SYBU: variants seen among roughly 807,000 people sequenced by gnomAD.
SYBU encodes the protein syntabulin.
Under a neutral mutation model 35.9 loss-of-function variants are expected in SYBU, and 21 were observed. The observed-to-expected ratio is 0.58, with a 90% confidence interval of 0.41 to 0.84. The LOEUF is 0.84. SYBU is among the 40% of genes least tolerant of loss of function. The probability of loss-of-function intolerance (pLI) is 0.00; values close to 1 mark genes in which losing one functional copy is unlikely to be tolerated. For synonymous variants in SYBU, 319 were observed against 324.3 expected (o/e 0.98, Z 0.18); for missense variants, 768 against 848.2 (o/e 0.91, Z 1.17).
At chr8:109,650,202 G>GA (rs1417132951) in intron 1 of SYBU, among the ~76,000 whole-genome samples, 5 of 151,860 alleles carry the variant, frequency 3.3e-5, no homozygotes, top group African/African-American at 7.3e-5. Context: ...TCTAGGCTTA[G>GA]AAAAAAAATT....
chr8:109,640,494 A>T (rs1259881624), intron 2 of SYBU, among the ~76,000 whole-genome samples: 3 of 152,180 alleles, frequency 2.0e-5, no homozygotes, highest in African/African-American at 7.2e-5. Context: ...AAGCTCTGTC[A>T]GTTTGAAATG....
chr8:109,588,754 G>A (rs1309635785), intron 3 of SYBU, among the ~76,000 whole-genome samples: 1 of 149,348 alleles, frequency 6.7e-6, no homozygotes, highest in Admixed American at 6.7e-5. Context: ...AAAGATACAA[G>A]GAAGGAGAGG....
intron 3 of SYBU, among the ~76,000 whole-genome samples, chr8:109,607,551 T>G (rs1230793380): frequency 1.3e-5 from 2 of 152,146 alleles, no homozygotes; most frequent in Admixed American, 1.3e-4. Flanking sequence ...AAGGCCAGGC[T>G]TTTCATTTAC....
chr8:109,623,275 G>T (rs1346432716), intron 2 of SYBU, among the ~76,000 whole-genome samples: 3 of 152,098 alleles, frequency 2.0e-5, no homozygotes, highest in East Asian at 1.9e-4. Flanking sequence ...CCCTCCTCAA[G>T]GCCACATCTA....
chr8:109,630,961 C>T (rs368036700), intron 2 of SYBU, among the ~76,000 whole-genome samples: 261 of 152,266 alleles, frequency 1.7e-3, no homozygotes, highest in Middle Eastern at 3.4e-3. Flanking sequence ...TCACAGAAGC[C>T]ACGGAGGAAA....
chr8:109,619,467 T>C (rs1459217746), intron 2 of SYBU, among the ~76,000 whole-genome samples: 1 of 152,150 alleles, frequency 6.6e-6, no homozygotes, highest in Non-Finnish European at 1.5e-5. Flanking sequence ...CCTCAAGCGA[T>C]CCATCTGCCT....
intron 1 of SYBU, among the ~76,000 whole-genome samples, chr8:109,660,099 T>C (rs909920905): frequency 1.3e-5 from 2 of 152,146 alleles, no homozygotes; most frequent in Non-Finnish European, 1.5e-5. Flanking sequence ...ATAGGAAATA[T>C]CTAGAAAGAC....
chr8:109,653,658 A>C (rs1224644647), intron 1 of SYBU, among the ~76,000 whole-genome samples: 2 of 152,040 alleles, frequency 1.3e-5, no homozygotes, highest in Non-Finnish European at 1.5e-5. Context: ...TATTCTCCAC[A>C]ATGTCTATTT....
At chr8:109,643,075 T>C in intron 1 of SYBU, 143 bp from the exon 2 acceptor site, 3 of 1,377,120 alleles carry the variant, frequency 2.2e-6, no homozygotes, top group East Asian at 2.8e-5. Context: ...TTATCTCAGT[T>C]GCTGAAATGA....
chr8:109,612,377 A>G (rs1049251734), intron 3 of SYBU, among the ~76,000 whole-genome samples: 5 of 152,232 alleles, frequency 3.3e-5, no homozygotes, highest in African/African-American at 1.2e-4. Flanking sequence ...GAAATAGCTT[A>G]CAGCCTGTAT....
rs576229407 is a variant in SYBU at position 109,674,087 on chromosome 8, A to T, written c.-129+6624T>A. On this transcript the variant is annotated intron_variant, in intron 1 of 5. Transcript: ENST00000408889. The stretch of plus-strand genomic sequence containing the variant: ...ACCTGAAACTGATGGGGATAATGGA[A>T]CCAAGTTGGAAAACACTCTTCAGGA... 3.3e-5 allele frequency among the ~76,000 whole-genome samples: 5 copies of T among 152,290 alleles called. No individual in the cohort carries two copies. The South Asian group carries it at 1.0e-3, about 32-fold the overall frequency.
At chr8:109,654,676 A>G (rs541487481) in intron 1 of SYBU, among the ~76,000 whole-genome samples, 1 of 150,864 alleles carries the variant, frequency 6.6e-6, no homozygotes, top group African/African-American at 2.5e-5. Flanking sequence ...TCTCAACTTT[A>G]TATCTCACAG....
chr8:109,641,581 T>C (rs1814883641), intron 2 of SYBU, among the ~76,000 whole-genome samples: 1 of 152,266 alleles, frequency 6.6e-6, no homozygotes, highest in African/African-American at 2.4e-5. Context: ...GGCTCTTCCC[T>C]ACTAAACCAT....
intron 1 of SYBU, among the ~76,000 whole-genome samples, chr8:109,666,753 A>G (rs1000396196): frequency 6.6e-6 from 1 of 151,820 alleles, no homozygotes; most frequent in Non-Finnish European, 1.5e-5. Context: ...CAGAAAAAAA[A>G]GAGATCTGGA....
chr8:109,640,802 A>G (rs1202105581), intron 2 of SYBU, among the ~76,000 whole-genome samples: 1 of 146,344 alleles, frequency 6.8e-6, no homozygotes, highest in Non-Finnish European at 1.5e-5. Flanking sequence ...GCAAATTGTT[A>G]GCAAAAAATT....
intron 6 of SYBU, among the ~76,000 whole-genome samples, chr8:109,576,384 GTCTTA>G (rs1183082004): frequency 3.3e-5 from 5 of 152,164 alleles, no homozygotes; most frequent in East Asian, 1.9e-4. Context: ...TGTGTTACAA[GTCTTA>G]TCTTCTACTC....
intron 2 of SYBU, among the ~76,000 whole-genome samples, chr8:109,638,924 A>G (rs1220333325): frequency 6.6e-6 from 1 of 152,232 alleles, no homozygotes; most frequent in Non-Finnish European, 1.5e-5. Flanking sequence ...AATGAATTGC[A>G]AAAGGTCACA....
intron 2 of SYBU, among the ~76,000 whole-genome samples, chr8:109,642,309 A>G (rs11986510): frequency 0.21 from 32,201 of 151,838 alleles, 3,561 homozygotes; most frequent in East Asian, 0.42. Context: ...GGTGGGGGCT[A>G]GGAGAGGGAT....
intron 1 of SYBU, among the ~76,000 whole-genome samples, chr8:109,680,003 A>G (rs1238259940): frequency 6.6e-6 from 1 of 151,930 alleles, no homozygotes; most frequent in Non-Finnish European, 1.5e-5. Flanking sequence ...AATACAACAC[A>G]TTTACTTAAG....
Sources: gnomAD v4.1 joint callset for allele counts (sites outside exome capture counted in the v4.1 genomes callset) on GRCh38, gnomAD v4.1.1 for gene constraint, MANE v1.5 for transcripts, NCBI Gene and HGNC (gene_info 2026-07-23, HGNC 2026-07-21) for gene names.